Variants in MACROH2A2 observed in about 807,000 individuals in gnomAD.
MACROH2A2 encodes macroH2A.2 histone.
A neutral mutation model predicts 37.6 loss-of-function variants in MACROH2A2; 6 were observed. That is an observed-to-expected ratio of 0.16 (90% CI 0.09 to 0.32). The LOEUF (loss-of-function observed/expected upper bound fraction) is 0.32. MACROH2A2 is among the 10% of genes least tolerant of loss of function. The probability of loss-of-function intolerance (pLI) is 1.00; values close to 1 mark genes in which losing one functional copy is unlikely to be tolerated. For synonymous variants in MACROH2A2, 192 were observed against 202.7 expected, an observed-to-expected ratio of 0.95 and a Z score of 0.45; for missense variants, 290 against 485.9, an observed-to-expected ratio of 0.60 and a Z score of 3.79.
intron 7 of MACROH2A2, among the ~76,000 whole-genome samples, chr10:70,101,174 G>A (rs1200504200): frequency 6.6e-6 from 1 of 152,226 alleles, no homozygotes; most frequent in Non-Finnish European, 1.5e-5. Flanking sequence ...CCGAGCTCTG[G>A]AAGCCCAGGC....
intron 1 of MACROH2A2, among the ~76,000 whole-genome samples, chr10:70,059,273 A>C (rs1487034452): frequency 6.6e-6 from 1 of 152,184 alleles, no homozygotes; most frequent in Non-Finnish European, 1.5e-5. Flanking sequence ...TGGAGGCCCA[A>C]GGCAGGAAAG....
In MACROH2A2 at chr10:70,075,475, C is replaced by A; in HGVS notation, c.-59-125C>A. ...TCCGTGCCTCCTGCACCTGCAGTAGCAGCCAGATTTCAGCTGCCTCCCCAG... is the reference window on the plus strand; with the variant it reads ...TCCGTGCCTCCTGCACCTGCAGTAGAAGCCAGATTTCAGCTGCCTCCCCAG... On this transcript the variant is annotated intron_variant, in intron 1 of 8. Coordinates refer to ENST00000373255, the MANE Select transcript of MACROH2A2 (RefSeq NM_018649.3). This position sits in a 1 kb window ranked among gnomAD's most constrained non-coding sequence, Gnocchi z 5.0. The A allele has an allele frequency of 1.7e-6, 1 of 602,864 alleles. No individual in the cohort carries two copies. The highest frequency in any genetic ancestry group is 2.9e-5 in the East Asian group (1 of 34,528). 37.3% of individuals were successfully genotyped at this position (602,864 alleles called of 1,614,324 possible). A position where few individuals can be genotyped will look rare whatever the true frequency, so the allele number is the denominator to read the frequency against.
At position 70,107,863 on chromosome 10, in the gene MACROH2A2, A is replaced by T. The variant is rs867516534; in HGVS notation, c.779-1170A>T. Among the ~76,000 whole-genome samples, 3 of 152,162 alleles carry T rather than the reference A, an allele frequency of 2.0e-5. No homozygotes were observed. Among genetic ancestry groups the T allele is most frequent in the Non-Finnish European group, 4.4e-5 (3 of 68,024 alleles). On this transcript the variant is annotated intron_variant, in intron 7 of 8. Coordinates refer to ENST00000373255, the MANE Select transcript of MACROH2A2 (RefSeq NM_018649.3). This position sits in a 1 kb window ranked among gnomAD's most constrained non-coding sequence, Gnocchi z 4.4. ...ATAAGCCCCTGCACCAGACCTACTG[A>T]GTCAGGACCTCTGGGTGGTCAGTAC...
intron 1 of MACROH2A2, among the ~76,000 whole-genome samples, chr10:70,057,697 T>C (rs1201915578): frequency 6.6e-6 from 1 of 152,178 alleles, no homozygotes; most frequent in East Asian, 1.9e-4. Flanking sequence ...GGCAGAAATA[T>C]GCCCAAGAAA....
At chr10:70,067,363 C>T (rs1489490885) in intron 1 of MACROH2A2, among the ~76,000 whole-genome samples, 1 of 152,136 alleles carries the variant, frequency 6.6e-6, no homozygotes, top group African/African-American at 2.4e-5. Context: ...CCACGGAAAA[C>T]GTGGAATGCT....
At chr10:70,069,304 C>T (rs747240272) in intron 1 of MACROH2A2, among the ~76,000 whole-genome samples, 1 of 152,182 alleles carries the variant, frequency 6.6e-6, no homozygotes, top group Non-Finnish European at 1.5e-5. Context: ...TTCGGGGGAA[C>T]GAGCCAGGAG....
chr10:70,057,554 AGGGT>A (rs1394606614), intron 1 of MACROH2A2, among the ~76,000 whole-genome samples: 1 of 152,196 alleles, frequency 6.6e-6, no homozygotes, highest in Non-Finnish European at 1.5e-5. Context: ...TGCTGTCATG[AGGGT>A]TCTCAGCAGA....
intron 8 of MACROH2A2, among the ~76,000 whole-genome samples, chr10:70,111,227 C>T (rs2136646618): frequency 6.6e-6 from 1 of 152,212 alleles, no homozygotes; most frequent in African/African-American, 2.4e-5. Flanking sequence ...TGAGATCGCG[C>T]CACTGCACTC....
At chr10:70,061,760 G>A (rs1474254917) in intron 1 of MACROH2A2, among the ~76,000 whole-genome samples, 1 of 152,152 alleles carries the variant, frequency 6.6e-6, no homozygotes, top group East Asian at 1.9e-4. Context: ...TAAATAAATT[G>A]GATTAATGCT....
rs2072376751 is a variant in MACROH2A2, at chr10:70,111,735, G to C, written c.*52G>C. ...AGGACGACCCGAGTCCCAAGAGTGG[G>C]GTTTTGCTTTTTAAAAGGAGAGAGG... On this transcript the variant is annotated 3_prime_UTR_variant, in exon 9 of 9. Coordinates refer to ENST00000373255, the MANE Select transcript of MACROH2A2 (RefSeq NM_018649.3). The C allele has an allele frequency of 6.8e-7, 1 of 1,479,902 alleles. No homozygotes were observed. The allele number at this position is 1,479,902 out of a possible 1,614,324, so 91.7% of individuals were successfully genotyped here.
intron 1 of MACROH2A2, among the ~76,000 whole-genome samples, chr10:70,072,957 AAAC>A (rs371177662): frequency 2.6e-5 from 4 of 151,988 alleles, no homozygotes; most frequent in Admixed American, 2.0e-4. Context: ...ACTCCTTCCC[AAAC>A]AACAACAACA....
At chr10:70,085,992 T>C (rs1176894572) in intron 2 of MACROH2A2, among the ~76,000 whole-genome samples, 1 of 146,508 alleles carries the variant, frequency 6.8e-6, no homozygotes, top group Non-Finnish European at 1.5e-5. Flanking sequence ...CTTGTTTCAT[T>C]TGCTTTGAAT....
In MACROH2A2 at chr10:70,091,950, A is replaced by G. The variant is rs2072247725; in HGVS notation, c.473A>G (p.Lys158Arg). Residue 158 changes from lysine (K) to arginine (R), a missense_variant, in exon 4 of 9, where the codon AAA becomes AGA. By Grantham distance (26) the Lys-to-Arg change is conservative. Coordinates refer to ENST00000373255, the MANE Select transcript of MACROH2A2 (RefSeq NM_018649.3). Reference sequence around the variant, plus strand: ...AAGGCTGCCAAACCACGGACGTCCAAAAAGGTAGGCCGAGGCTGCGTGTCC... The same window carrying G: ...AAGGCTGCCAAACCACGGACGTCCAGAAAGGTAGGCCGAGGCTGCGTGTCC... Reference protein sequence around the residue: ...KSKAAKPRTSKKSKPKDSDKE... With the variant: ...KSKAAKPRTSRKSKPKDSDKE... The G allele has an allele frequency of 6.2e-7, 1 of 1,612,984 alleles. No homozygotes were observed. The highest frequency in any genetic ancestry group is 8.5e-7 in the Non-Finnish European group (1 of 1,179,700).
chr10:70,091,622 C>T, intron 3 of MACROH2A2, 135 bp from the exon 4 acceptor site: 3 of 622,536 alleles, frequency 4.8e-6, no homozygotes, highest in Admixed American at 3.0e-5. Context: ...TGCAGTGAGC[C>T]AAGATCGCGC....
In MACROH2A2 at chr10:70,081,166, G is replaced by A. The variant is rs145645975; in HGVS notation, c.172+5336G>A. 7.9e-5 allele frequency among the ~76,000 whole-genome samples: 12 copies of A among 151,310 alleles called. No individual in the cohort carries two copies. The East Asian group carries it at 9.8e-4, about 12-fold the overall frequency. ...TGAACCTAGATGCTGGTTCTGCCAC[G>A]TATCAGCTATGAACCCTCAGGATCA... On this transcript the variant is annotated intron_variant, in intron 2 of 8. Coordinates refer to ENST00000373255, the MANE Select transcript of MACROH2A2 (RefSeq NM_018649.3).
intron 1 of MACROH2A2, among the ~76,000 whole-genome samples, chr10:70,059,770 C>T (rs909998583): frequency 1.3e-5 from 2 of 152,226 alleles, no homozygotes; most frequent in Non-Finnish European, 2.9e-5. Flanking sequence ...GCTCCCTCCC[C>T]GTGGTCCACC....
chr10:70,068,440 G>GGAAAAAGTATTCTTA (rs1163273288), intron 1 of MACROH2A2, among the ~76,000 whole-genome samples: 11 of 152,232 alleles, frequency 7.2e-5, no homozygotes, highest in Non-Finnish European at 7.4e-5. Context: ...TGAATTAAAA[G>GGAAAAAGTATTCTTA]GAAAAAGTAT....
intron 1 of MACROH2A2, among the ~76,000 whole-genome samples, chr10:70,064,396 C>T (rs2072067215): frequency 6.6e-6 from 1 of 152,126 alleles, no homozygotes; most frequent in South Asian, 2.1e-4. Flanking sequence ...CTACAAGGCA[C>T]ACGTAGAATT....
In MACROH2A2 at chr10:70,075,437, C is replaced by A. The variant is rs2072134086; in HGVS notation, c.-59-163C>A. On this transcript the variant is annotated intron_variant, in intron 1 of 8. Coordinates refer to ENST00000373255, the MANE Select transcript of MACROH2A2 (RefSeq NM_018649.3). The surrounding 1 kb of genome is among the most constrained non-coding windows in gnomAD (Gnocchi z 5.0). ...TGGGCTTGCCCATGCCCTTCAGAGACCCCATGCCTGACTCCGTGCCTCCTG... is the reference window on the plus strand; with the variant it reads ...TGGGCTTGCCCATGCCCTTCAGAGAACCCATGCCTGACTCCGTGCCTCCTG... 6.6e-6 allele frequency among the ~76,000 whole-genome samples: 1 copy of A among 152,210 alleles called. No individual in the cohort carries two copies. Among genetic ancestry groups the A allele is most frequent in the African/African-American group, 2.4e-5 (1 of 41,464 alleles).
Sources: gnomAD v4.1 joint callset for allele counts (sites outside exome capture counted in the v4.1 genomes callset) on GRCh38, gnomAD v4.1.1 for gene constraint, Gnocchi (gnomAD v3.1) non-coding constraint, MANE v1.5 for transcripts, NCBI Gene and HGNC (gene_info 2026-07-23, HGNC 2026-07-21) for gene names.